The following CLCN5 variants were observed in gnomAD, a reference collection of about 807,000 sequenced individuals.
The protein encoded by CLCN5 is Cl-/H+ antiporter 5.
In CLCN5, 17 loss-of-function variants were observed where a neutral mutation model predicts 54.0. The ratio of observed to expected loss-of-function variants is 0.31; its 90% CI spans 0.22 to 0.47. The LOEUF is 0.47. Ranked by LOEUF, CLCN5 falls within the 20% of genes least tolerant of loss-of-function variation. The probability of loss-of-function intolerance (pLI) is 1.00; values close to 1 mark genes in which losing one functional copy is unlikely to be tolerated. For synonymous variants in CLCN5, 222 were observed against 233.0 expected (o/e 0.95, Z 0.43); for missense variants, 448 against 646.7 (o/e 0.69, Z 3.33).
At chrX:49,989,004 A>G (rs782568409) in intron 3 of CLCN5, among the ~76,000 whole-genome samples, 1 of 110,605 alleles carries the variant, frequency 9.0e-6, no homozygotes, top group Non-Finnish European at 1.9e-5. Context: ...CGCTGCAACT[A>G]TACAAGGCTA....
At chrX:50,076,100 G>A in intron 7 of CLCN5, 118 bp downstream of exon 7, 3 of 662,698 alleles carry the variant, frequency 4.5e-6, no homozygotes, top group Non-Finnish European at 7.2e-6. Flanking sequence ...CACAGAAAGG[G>A]GAACCAGTAC....
intron 4 of CLCN5, among the ~76,000 whole-genome samples, chrX:50,056,943 T>C (rs1381360808): frequency 8.9e-6 from 1 of 112,094 alleles, no homozygotes; most frequent in African/African-American, 3.2e-5. Flanking sequence ...CCCCTTTTAT[T>C]GTCTAGCTCT....
Position 50,077,835 on chromosome X carries a change from A to C in CLCN5, c.603+1853A>C, listed in dbSNP as rs1319549256. The stretch of plus-strand genomic sequence containing the variant: ...TACAAAAAAAAAAAAAAAAAAAAAA[A>C]AAAAAAAAAAAAAACATGTATATAC... On this transcript the variant is annotated intron_variant, in intron 7 of 14. Transcript: ENST00000376091. 4.1e-4 allele frequency among the ~76,000 whole-genome samples: 35 copies of C among 86,147 alleles called. 1 individual carries two copies. In the East Asian group the frequency reaches 6.0e-3, roughly 15 times the overall value. The allele number at this position is 86,147 out of a possible 115,157, so 74.8% of individuals were successfully genotyped here. A position where few individuals can be genotyped will look rare whatever the true frequency, so the allele number is the denominator to read the frequency against.
At chrX:49,942,126 T>G (rs961866882) in intron 3 of CLCN5, among the ~76,000 whole-genome samples, 4 of 95,441 alleles carry the variant, frequency 4.2e-5, no homozygotes, top group Admixed American at 2.4e-4. Context: ...TTATTCTTTT[T>G]TTTAATCTTG....
In CLCN5 at chrX:50,098,300, C is replaced by G. The variant is rs976011351; in HGVS notation, c.*6081C>G. The stretch of plus-strand genomic sequence containing the variant: ...AGGAGGTGGCCCAGTCAGTACCTTG[C>G]TCACGTCAGCTAAGGGGGACAGTGA... On this transcript the variant is annotated 3_prime_UTR_variant, in exon 15 of 15. Coordinates refer to ENST00000376091, the MANE Select transcript of CLCN5 (RefSeq NM_001127898.4). 7 of 112,482 alleles carry G rather than the reference C, an allele frequency of 6.2e-5. No individual in the cohort carries two copies. Among genetic ancestry groups the G allele is most frequent in the Admixed American group, 2.8e-4 (3 of 10,624 alleles). 9.3% of individuals were successfully genotyped at this position (112,482 alleles called of 1,213,427 possible). A position where few individuals can be genotyped will look rare whatever the true frequency, so the allele number is the denominator to read the frequency against.
intron 4 of CLCN5, among the ~76,000 whole-genome samples, chrX:50,058,515 G>C (rs1299642284): frequency 2.7e-5 from 3 of 110,973 alleles, no homozygotes; most frequent in Admixed American, 1.9e-4. Flanking sequence ...TTTCCATAAT[G>C]AGAACTGAGT....
intron 9 of CLCN5, among the ~76,000 whole-genome samples, chrX:50,083,019 A>G (rs1308684697): frequency 5.4e-5 from 6 of 111,231 alleles, no homozygotes; most frequent in Non-Finnish European, 1.1e-4. Flanking sequence ...AAAAAGTTCC[A>G]AGTCATTGGT....
At chrX:50,011,106 G>A (rs781857076) in intron 3 of CLCN5, among the ~76,000 whole-genome samples, 1 of 111,504 alleles carries the variant, frequency 9.0e-6, no homozygotes, top group African/African-American at 3.3e-5. Context: ...CTCACAGAGT[G>A]GTCCCTCTGA....
intron 4 of CLCN5, among the ~76,000 whole-genome samples, chrX:50,058,692 T>G (rs1426303527): frequency 8.9e-6 from 1 of 112,128 alleles, no homozygotes; most frequent in Non-Finnish European, 1.9e-5. Context: ...CAATGCAAAT[T>G]AGCCTTTTGG....
At chrX:50,059,967 T>C (rs1205127288) in intron 4 of CLCN5, among the ~76,000 whole-genome samples, 6 of 103,588 alleles carry the variant, frequency 5.8e-5, no homozygotes, top group African/African-American at 2.1e-4. Context: ...TTATAGATAA[T>C]GTAAATCATA....
At chrX:49,972,494 C>CA (rs1394858633) in intron 3 of CLCN5, among the ~76,000 whole-genome samples, 1 of 111,846 alleles carries the variant, frequency 8.9e-6, no homozygotes, top group Non-Finnish European at 1.9e-5. Context: ...CAGAGGTTGA[C>CA]AAAATGCTTT....
intron 3 of CLCN5, among the ~76,000 whole-genome samples, chrX:49,961,969 A>G (rs1171570225): frequency 8.9e-6 from 1 of 112,021 alleles, no homozygotes; most frequent in East Asian, 2.8e-4. Flanking sequence ...AAGTAGCAAG[A>G]TATTCATTTC....
intron 3 of CLCN5, among the ~76,000 whole-genome samples, chrX:50,001,152 G>A (rs1463753709): frequency 9.1e-6 from 1 of 110,015 alleles, no homozygotes; most frequent in Non-Finnish European, 1.9e-5. Flanking sequence ...ATGTAGCCAG[G>A]ACCAGTTCCT....
At chrX:50,052,557 G>A (rs992029297) in intron 4 of CLCN5, among the ~76,000 whole-genome samples, 14 of 111,405 alleles carry the variant, frequency 1.3e-4, no homozygotes, top group Non-Finnish European at 1.9e-4. Context: ...GCCTCATAGC[G>A]TAACTTAGGA....
At chrX:50,005,692 G>T (rs1557181318) in intron 3 of CLCN5, among the ~76,000 whole-genome samples, 2 of 111,842 alleles carry the variant, frequency 1.8e-5, no homozygotes, top group Non-Finnish European at 3.8e-5. Flanking sequence ...TCTTTAGCCA[G>T]TAGGAGCTTC....
chrX:49,937,950 C>T (rs187615672), intron 3 of CLCN5, among the ~76,000 whole-genome samples: 1 of 111,238 alleles, frequency 9.0e-6, no homozygotes, highest in East Asian at 2.8e-4. Context: ...CTTAAGGCCC[C>T]TTCTAGCTCA....
chrX:50,033,573 T>C (rs948284709), intron 3 of CLCN5, among the ~76,000 whole-genome samples: 10 of 111,070 alleles, frequency 9.0e-5, no homozygotes, highest in Non-Finnish European at 1.5e-4. Flanking sequence ...GAATCAATAT[T>C]GTGAAAATGG....
At position 49,924,145 on chromosome X, in the gene CLCN5, A is replaced by ATTTTTTT. The variant is rs34424526; in HGVS notation, c.-129+674_-129+680dup. Among the ~76,000 whole-genome samples the ATTTTTTT allele has an allele frequency of 1.4e-3, 120 of 84,453 alleles. 2 individuals are homozygous for ATTTTTTT. The highest frequency in any genetic ancestry group is 5.1e-3 in the African/African-American group (113 of 22,327). 73.3% of individuals were successfully genotyped at this position (84,453 alleles called of 115,157 possible). A position where few individuals can be genotyped will look rare whatever the true frequency, so the allele number is the denominator to read the frequency against. Reference sequence around the variant, plus strand: ...ATTTTTTCTCCCATTCCTAGCTCCTATTTTTTTTTTTTTTTTTGGTTTGAG... The same window carrying ATTTTTTT: ...ATTTTTTCTCCCATTCCTAGCTCCTATTTTTTTTTTTTTTTTTTTTTTTTGGTTTGAG... On this transcript the variant is annotated intron_variant, in intron 2 of 14. Transcript: ENST00000376091.
At chrX:49,999,973 C>T (rs1203001323) in intron 3 of CLCN5, among the ~76,000 whole-genome samples, 1 of 111,365 alleles carries the variant, frequency 9.0e-6, no homozygotes, top group African/African-American at 3.3e-5. Context: ...GAGCATTCTT[C>T]CTATATCTGC....
Sources: allele counts gnomAD v4.1 joint callset (sites outside exome capture counted in the v4.1 genomes callset), GRCh38; gene constraint gnomAD v4.1.1; transcripts MANE v1.5; gene names NCBI Gene and HGNC (gene_info 2026-07-23, HGNC 2026-07-21).